The following PRKCZ variants were observed in gnomAD, a reference collection of about 807,000 sequenced individuals.
PRKCZ encodes the protein protein kinase C zeta type.
In PRKCZ, 33 loss-of-function variants were observed where a neutral mutation model predicts 79.5. That is an observed-to-expected ratio of 0.41 (90% CI 0.31 to 0.55). The LOEUF (loss-of-function observed/expected upper bound fraction) is 0.55, where lower values mean the gene tolerates loss of function less well. PRKCZ is among the 20% of genes least tolerant of loss of function. The probability of loss-of-function intolerance (pLI) is 0.19; values close to 1 mark genes in which losing one functional copy is unlikely to be tolerated. For missense variants in PRKCZ, 578 were observed against 813.5 expected (o/e 0.71, Z 3.52); for synonymous variants, 342 against 320.9 (o/e 1.07, Z -0.70).
chr1:2,120,276 T>C (rs985054878), intron 4 of PRKCZ, among the ~76,000 whole-genome samples: 2 of 144,058 alleles, frequency 1.4e-5, no homozygotes, highest in Non-Finnish European at 3.0e-5. Flanking sequence ...TTGGAAAATA[T>C]CAGCCCTTGA....
rs757144305 is a variant in PRKCZ at position 2,185,378 on chromosome 1, T to C, written c.*369T>C. On this transcript the variant is annotated 3_prime_UTR_variant, in exon 18 of 18. Transcript: ENST00000378567. ...GCGTGTAGCGTCCTGAGGAATAAAA[T>C]GTTCCGATGATGTGGAAGCTCCTCT... 5 of 718,566 alleles carry C rather than the reference T, an allele frequency of 7.0e-6. No homozygotes were observed. The highest frequency in any genetic ancestry group is 1.0e-5 in the Non-Finnish European group (4 of 385,090). 44.5% of individuals were successfully genotyped at this position (718,566 alleles called of 1,614,324 possible).
At chr1:2,102,613 T>G (rs574941610) in intron 4 of PRKCZ, among the ~76,000 whole-genome samples, 6 of 152,338 alleles carry the variant, frequency 3.9e-5, no homozygotes, top group South Asian at 4.1e-4. Context: ...ATTACAGGTG[T>G]GAGCCACCGT....
chr1:2,050,905 G>A (rs1659577622), intron 1 of PRKCZ: 3 of 382,000 alleles, frequency 7.9e-6, no homozygotes, highest in African/African-American at 2.1e-5. Flanking sequence ...TCCTTCCCCG[G>A]GACCGGGTTT....
chr1:2,109,614 G>A lies in PRKCZ; in HGVS notation c.335-25648G>A, dbSNP rs72907441. Among the ~76,000 whole-genome samples the A allele has an allele frequency of 0.011, 1,741 of 152,344 alleles. 60 individuals carry two copies. The East Asian group carries it at 0.13, about 11-fold the overall frequency. ...CGAGTGGCTTCAGCGAGAGTCCATA[G>A]GACATGGAGAGTCCCGGCCGTGGTG... On this transcript the variant is annotated intron_variant, in intron 4 of 17. Coordinates refer to ENST00000378567, the MANE Select transcript of PRKCZ (RefSeq NM_002744.6).
intron 4 of PRKCZ, among the ~76,000 whole-genome samples, chr1:2,133,343 G>T (rs1423390379): frequency 6.7e-6 from 1 of 150,232 alleles, no homozygotes; most frequent in Non-Finnish European, 1.5e-5. Context: ...GCCCCCAGTT[G>T]CTCGTCGGTT....
intron 10 of PRKCZ, among the ~76,000 whole-genome samples, chr1:2,166,734 G>GC (rs1019329473): frequency 2.6e-5 from 4 of 152,152 alleles, no homozygotes; most frequent in Non-Finnish European, 5.9e-5. Context: ...GGCACCTTCA[G>GC]CCCCCCACCC....
rs370707923 is a variant in PRKCZ at position 2,176,336 on chromosome 1, C to T, written c.1575+1023C>T. Among the ~76,000 whole-genome samples the T allele has an allele frequency of 8.5e-5, 13 of 152,128 alleles. No homozygotes were observed. The East Asian group carries it at 1.7e-3, about 20-fold the overall frequency. On this transcript the variant is annotated intron_variant, in intron 16 of 17. Transcript: ENST00000378567. ...CAGGTTAAGGCAGGTAAGGCTGCGC[C>T]GCTTGGTCGTGGGTTCTGTGTGGAA...
chr1:2,106,167 C>T (rs1571412442), intron 4 of PRKCZ, among the ~76,000 whole-genome samples: 1 of 152,230 alleles, frequency 6.6e-6, no homozygotes, highest in Non-Finnish European at 1.5e-5. Context: ...GACACAAAGC[C>T]CCCTAGAGCC....
At chr1:2,124,264 G>T (rs959350754) in intron 4 of PRKCZ, among the ~76,000 whole-genome samples, 1 of 121,850 alleles carries the variant, frequency 8.2e-6, no homozygotes, top group Non-Finnish European at 1.9e-5. Flanking sequence ...GGGTCATGGC[G>T]GTAGTTAGGG....
chr1:2,121,614 ATGGTGGTGGTTAGGGT>A (rs1671973857), intron 4 of PRKCZ, among the ~76,000 whole-genome samples: 1 of 112,264 alleles, frequency 8.9e-6, no homozygotes, highest in Non-Finnish European at 1.9e-5. Flanking sequence ...AATTAGGGTC[ATGGTGGTGGTTAGGGT>A]CACAGTGGTA....
In PRKCZ at chr1:2,078,075, C is replaced by T. The variant is rs143946443; in HGVS notation, c.334+18484C>T. Among the ~76,000 whole-genome samples, 447 of 152,304 alleles carry T rather than the reference C, an allele frequency of 2.9e-3. 1 individual carries two copies. The highest frequency in any genetic ancestry group is 0.028 in the South Asian group (135 of 4,826). ...TTCCCAGAAGAGGGGCAGCTCCCAC[C>T]GATGCCTGCCTCACCTCCCTCCTGG... On this transcript the variant is annotated intron_variant, in intron 4 of 17. Coordinates refer to ENST00000378567, the MANE Select transcript of PRKCZ (RefSeq NM_002744.6).
rs187198490 is a variant in PRKCZ, at chr1:2,121,316, C to T, written c.335-13946C>T. ...CTCCCTGGCTGTGGGCCAGCATAAG[C>T]GAACAAGGCGTGTACTTCCGGAATG... On this transcript the variant is annotated intron_variant, in intron 4 of 17. Transcript: ENST00000378567. Among the ~76,000 whole-genome samples, 30 of 152,304 alleles carry T rather than the reference C, an allele frequency of 2.0e-4. 1 individual carries two copies. In the East Asian group the frequency reaches 4.4e-3, roughly 23 times the overall value.
chr1:2,126,967 C>T (rs74578154), intron 4 of PRKCZ, among the ~76,000 whole-genome samples: 3 of 152,224 alleles, frequency 2.0e-5, no homozygotes, highest in African/African-American at 7.2e-5. Context: ...CCTGGGGGTC[C>T]GTGTGTCCCA....
Position 2,174,976 on chromosome 1 carries a change from G to A in PRKCZ, c.1485+143G>A, listed in dbSNP as rs1685155636. On this transcript the variant is annotated intron_variant, in intron 15 of 17. Transcript: ENST00000378567. This position sits in a 1 kb window ranked among gnomAD's most constrained non-coding sequence, Gnocchi z 6.2. ...GTTGATTTTCCGCTTCAGTATTTGA[G>A]CTCTGTGTTCTGTGAATCGTCCGTT... 1 of 902,734 alleles carries A rather than the reference G, an allele frequency of 1.1e-6. No homozygotes were observed. The allele number at this position is 902,734 out of a possible 1,614,324, so 55.9% of individuals were successfully genotyped here. A position where few individuals can be genotyped will look rare whatever the true frequency, so the allele number is the denominator to read the frequency against.
At chr1:2,180,665 G>A (rs934961350) in intron 16 of PRKCZ, among the ~76,000 whole-genome samples, 1 of 152,282 alleles carries the variant, frequency 6.6e-6, no homozygotes. Flanking sequence ...ATGGATGCAC[G>A]GACGACTCAG....
intron 4 of PRKCZ, among the ~76,000 whole-genome samples, chr1:2,120,330 G>C (rs1207359280): frequency 7.3e-5 from 6 of 81,662 alleles, no homozygotes; most frequent in Non-Finnish European, 1.4e-4. Context: ...TTTGAGTCTC[G>C]CTCTTGTTGC....
At chr1:2,057,452 G>C (rs1220793896) in intron 3 of PRKCZ, among the ~76,000 whole-genome samples, 1 of 152,240 alleles carries the variant, frequency 6.6e-6, no homozygotes, top group Non-Finnish European at 1.5e-5. Context: ...TTGAGTCCAA[G>C]ATGGGACCAA....
In PRKCZ at chr1:2,056,490, C is replaced by CT; in HGVS notation, c.202dup (p.Cys68LeufsTer22). On this transcript the variant is annotated frameshift_variant, in exon 3 of 18. Transcript: ENST00000378567. LOFTEE classifies it high-confidence loss of function. ...CGTCTCCTGCCCCACCCAGGTGACC[C>CT]TTGCACGGTGTCCTCCCAGATGGAG... 1 of 1,613,838 alleles carries CT rather than the reference C, an allele frequency of 6.2e-7. No homozygotes were observed. The highest frequency in any genetic ancestry group is 8.5e-7 in the Non-Finnish European group (1 of 1,179,916).
chr1:2,166,612 A>G (rs1258235203), intron 10 of PRKCZ, among the ~76,000 whole-genome samples: 1 of 151,484 alleles, frequency 6.6e-6, no homozygotes, highest in Non-Finnish European at 1.5e-5. Context: ...GGGCAGCCTC[A>G]GCCCCCTCCC....
Sources: allele counts gnomAD v4.1 joint callset (sites outside exome capture counted in the v4.1 genomes callset), GRCh38; gene constraint gnomAD v4.1.1; non-coding constraint Gnocchi (gnomAD v3.1); transcripts MANE v1.5; gene names NCBI Gene and HGNC (gene_info 2026-07-23, HGNC 2026-07-21).